Variants in TEX14 observed in about 807,000 individuals in gnomAD.
TEX14 encodes the protein testis expressed 14, intercellular bridge forming factor.
A neutral mutation model predicts 178.6 loss-of-function variants in TEX14; 168 were observed. That is an observed-to-expected ratio of 0.94 (90% confidence interval 0.83 to 1.07). The LOEUF is 1.07. Among genes scored for constraint, TEX14 ranks in the 50% least tolerant of loss-of-function variants. The pLI, the probability that TEX14 is intolerant of heterozygous loss-of-function variation, is 0.00. For synonymous variants in TEX14, 626 were observed against 634.1 expected, an observed-to-expected ratio of 0.99 and a Z score of 0.19; for missense variants, 1,730 against 1,753.6, an observed-to-expected ratio of 0.99 and a Z score of 0.24.
intron 28 of TEX14, 131 bp from the exon 29 acceptor site, chr17:58,561,743 A>G: frequency 1.6e-6 from 1 of 626,864 alleles, no homozygotes; most frequent in Non-Finnish European, 2.8e-6. Context: ...AAAAAACAAG[A>G]GCTCAGTGAG....
chr17:58,638,810 G>A (rs2046500173), intron 2 of TEX14, among the ~76,000 whole-genome samples: 1 of 150,844 alleles, frequency 6.6e-6, no homozygotes, highest in Admixed American at 6.6e-5. Flanking sequence ...AAAGCACTGG[G>A]ATTACAGGCA....
intron 16 of TEX14, 26 bp downstream of exon 16, chr17:58,587,870 A>G: frequency 4.0e-6 from 3 of 748,432 alleles, no homozygotes; most frequent in Non-Finnish European, 6.4e-6. Flanking sequence ...CTCCACCACC[A>G]GTTTCCAGCC....
At chr17:58,666,960 C>T (rs972164318) in intron 1 of TEX14, among the ~76,000 whole-genome samples, 3 of 152,172 alleles carry the variant, frequency 2.0e-5, no homozygotes, top group African/African-American at 4.8e-5. Context: ...AGCGCAACTG[C>T]GTTCTCATCT....
intron 1 of TEX14, chr17:58,659,249 C>A (rs1029731778): frequency 2.5e-5 from 16 of 648,214 alleles, no homozygotes; most frequent in South Asian, 2.1e-4. Flanking sequence ...AAAAACCCTC[C>A]CCCAAGAAAA....
intron 3 of TEX14, among the ~76,000 whole-genome samples, chr17:58,624,652 C>G (rs2046093490): frequency 6.6e-6 from 1 of 152,010 alleles, no homozygotes; most frequent in Non-Finnish European, 1.5e-5. Context: ...TTCATATTTT[C>G]ATTTAAGAAT....
In TEX14 at chr17:58,580,930, G is replaced by A. The variant is rs564921268; in HGVS notation, c.3172-1199C>T. 2.6e-5 allele frequency among the ~76,000 whole-genome samples: 4 copies of A among 152,264 alleles called. No homozygotes were observed. In the South Asian group the frequency reaches 6.2e-4, roughly 24 times the overall value. ...TGGCAGGCTGGAGTTAATTAATTCCGTATATCTGCAGAACACCAGTCTTCC... is the reference window on the plus strand; with the variant it reads ...TGGCAGGCTGGAGTTAATTAATTCCATATATCTGCAGAACACCAGTCTTCC... On this transcript the variant is annotated intron_variant, in intron 19 of 31. Transcript: ENST00000349033.
At chr17:58,673,420 T>C (rs1036636413) in intron 1 of TEX14, among the ~76,000 whole-genome samples, 1 of 149,742 alleles carries the variant, frequency 6.7e-6, no homozygotes, top group Non-Finnish European at 1.5e-5. Context: ...GAGGCAAAGG[T>C]TGCAGTGAGC....
intron 3 of TEX14, among the ~76,000 whole-genome samples, chr17:58,628,307 G>A (rs901858234): frequency 5.3e-5 from 8 of 152,028 alleles, no homozygotes; most frequent in East Asian, 3.9e-4. Flanking sequence ...TGCTCGGCAC[G>A]GTGGCTCACA....
chr17:58,591,225 C>T (rs2045130468), intron 15 of TEX14, among the ~76,000 whole-genome samples: 1 of 152,100 alleles, frequency 6.6e-6, no homozygotes, highest in Admixed American at 6.6e-5. Context: ...ATCCACTGAT[C>T]TAAAATGTCT....
chr17:58,576,422 TG>T (rs1378256231), intron 21 of TEX14, among the ~76,000 whole-genome samples: 1 of 151,360 alleles, frequency 6.6e-6, no homozygotes, highest in Non-Finnish European at 1.5e-5. Flanking sequence ...AGGTGGAGGT[TG>T]CAGTGAGCTG....
At chr17:58,647,510 C>T (rs1025175021) in intron 2 of TEX14, among the ~76,000 whole-genome samples, 8 of 149,634 alleles carry the variant, frequency 5.3e-5, no homozygotes, top group African/African-American at 1.5e-4. Context: ...CCAGCCTGGG[C>T]GACTGAGCGA....
intron 19 of TEX14, chr17:58,581,662 T>C (rs371926925): frequency 2.2e-4 from 362 of 1,613,796 alleles, no homozygotes; most frequent in Non-Finnish European, 2.8e-4. Flanking sequence ...ATTCACCGTC[T>C]GGAGTTAAAA....
intron 30 of TEX14, 123 bp from the exon 31 acceptor site, chr17:58,557,973 T>C: frequency 1.5e-6 from 1 of 665,278 alleles, no homozygotes; most frequent in Non-Finnish European, 2.6e-6. Context: ...ATGGTTGTTA[T>C]ATTCTGCCAG....
intron 28 of TEX14, among the ~76,000 whole-genome samples, chr17:58,563,621 TTATATATA>T (rs3034889): frequency 0.068 from 3,146 of 46,374 alleles, 126 homozygotes; most frequent in Middle Eastern, 0.15. Flanking sequence ...CATCTCTAAT[TTATATATA>T]TATATATATA....
chr17:58,569,589 G>A lies in TEX14; in HGVS notation c.3818-329C>T, dbSNP rs963303931. Among the ~76,000 whole-genome samples the A allele has an allele frequency of 5.3e-5, 8 of 152,156 alleles. No homozygotes were observed. Among genetic ancestry groups the A allele is most frequent in the Admixed American group, 4.6e-4 (7 of 15,266 alleles). ...AAGTGGCTCAATCTGGACCAGGGCT[G>A]CTGGAGGAATACAGAGGTTCTGGAC... On this transcript the variant is annotated intron_variant, in intron 25 of 31. Transcript: ENST00000349033. This position sits in a 1 kb window ranked among gnomAD's most constrained non-coding sequence, Gnocchi z 4.1.
intron 1 of TEX14, among the ~76,000 whole-genome samples, chr17:58,671,267 C>G (rs2047299836): frequency 2.0e-5 from 3 of 152,202 alleles, no homozygotes; most frequent in Middle Eastern, 6.8e-3. Context: ...TTGTTTCTGC[C>G]TGGTGCTGGG....
chr17:58,683,600 T>C (rs1488159824), intron 1 of TEX14, among the ~76,000 whole-genome samples: 2 of 147,142 alleles, frequency 1.4e-5, no homozygotes, highest in East Asian at 2.0e-4. Flanking sequence ...CTGTCTCTAC[T>C]AAAAATACAA....
At chr17:58,652,470 C>T (rs937103588) in intron 1 of TEX14, among the ~76,000 whole-genome samples, 4 of 152,088 alleles carry the variant, frequency 2.6e-5, no homozygotes, top group Middle Eastern at 3.2e-3. Context: ...TCCTTCCTGC[C>T]ATCACGTGAA....
chr17:58,624,031 C>T (rs2046071277), intron 3 of TEX14, among the ~76,000 whole-genome samples: 1 of 152,198 alleles, frequency 6.6e-6, no homozygotes, highest in African/African-American at 2.4e-5. Context: ...CGCCTGTAAT[C>T]CCAGCACTTT....
Sources: allele counts gnomAD v4.1 joint callset (sites outside exome capture counted in the v4.1 genomes callset), GRCh38; gene constraint gnomAD v4.1.1; non-coding constraint Gnocchi (gnomAD v3.1); transcripts MANE v1.5; gene names NCBI Gene and HGNC (gene_info 2026-07-23, HGNC 2026-07-21).